The following ADGRL3 variants were observed in gnomAD, a reference collection of about 807,000 sequenced individuals.
ADGRL3 encodes the protein calcium-independent alpha-latrotoxin receptor 3.
Under a neutral mutation model 153.5 loss-of-function variants are expected in ADGRL3, and 62 were observed. The observed-to-expected ratio is 0.40, with a 90% CI of 0.33 to 0.50. The LOEUF is 0.50. Among genes scored for constraint, ADGRL3 ranks in the 20% least tolerant of loss-of-function variants. The probability of loss-of-function intolerance (pLI) is 0.47; values close to 1 mark genes in which losing one functional copy is unlikely to be tolerated. For synonymous variants in ADGRL3, 710 were observed against 672.5 expected, an observed-to-expected ratio of 1.06 and a Z score of -0.86; for missense variants, 1,641 against 1,859.4, an observed-to-expected ratio of 0.88 and a Z score of 2.16.
chr4:62,063,477 T>C, intron 25 of ADGRL3: 2 of 626,770 alleles, frequency 3.2e-6, no homozygotes, highest in Non-Finnish European at 5.7e-6. Flanking sequence ...TTTTTTTTTT[T>C]CTCTGTCTTT....
chr4:62,046,799 A>C (rs1184601130), intron 25 of ADGRL3, among the ~76,000 whole-genome samples: 5 of 151,942 alleles, frequency 3.3e-5, no homozygotes, highest in South Asian at 2.1e-4. Context: ...GTCCCCCTCA[A>C]GTCAGAAACT....
intron 8 of ADGRL3, among the ~76,000 whole-genome samples, chr4:61,759,283 A>G (rs1471866611): frequency 1.3e-5 from 2 of 151,982 alleles, no homozygotes; most frequent in Admixed American, 6.6e-5. Flanking sequence ...ACTTGGTTCC[A>G]TTCTCCCCAT....
chr4:61,643,225 T>C (rs377252291), intron 5 of ADGRL3, among the ~76,000 whole-genome samples: 13 of 151,160 alleles, frequency 8.6e-5, no homozygotes, highest in African/African-American at 1.7e-4. Flanking sequence ...ACAATCATGT[T>C]GTCTGCAAAC....
In ADGRL3 at chr4:61,408,213, G is replaced by A. The variant is rs562707643; in HGVS notation, c.-174+25024G>A. ...TTTTTTTTAAAGATCACATAAAATT[G>A]ACTATTTAAACTCTTCTGTATGTTT... is the stretch of plus-strand genomic sequence containing the variant. On this transcript the variant is annotated intron_variant, in intron 2 of 26. Coordinates refer to ENST00000683033, the MANE Select transcript of ADGRL3 (RefSeq NM_001387552.1). Among the ~76,000 whole-genome samples the A allele has an allele frequency of 3.3e-5, 5 of 152,082 alleles. No individual in the cohort carries two copies. In the East Asian group the frequency reaches 9.7e-4, roughly 29 times the overall value.
chr4:61,624,380 A>G (rs186621353), intron 5 of ADGRL3, among the ~76,000 whole-genome samples: 1 of 152,156 alleles, frequency 6.6e-6, no homozygotes. Context: ...AGGCCATGAG[A>G]TGTATTCTGG....
At chr4:61,939,764 G>A (rs867738456) in intron 15 of ADGRL3, among the ~76,000 whole-genome samples, 30 of 151,620 alleles carry the variant, frequency 2.0e-4, no homozygotes, top group Admixed American at 1.1e-3. Flanking sequence ...CACCACACCC[G>A]GCCAAAATTT....
intron 2 of ADGRL3, among the ~76,000 whole-genome samples, chr4:61,417,800 G>T (rs2097160839): frequency 6.6e-6 from 1 of 152,046 alleles, no homozygotes. Context: ...TATGGAGTTT[G>T]GTGAGGGAGA....
intron 1 of ADGRL3, among the ~76,000 whole-genome samples, chr4:61,365,309 CAT>C (rs1235257089): frequency 6.6e-6 from 1 of 151,756 alleles, no homozygotes; most frequent in African/African-American, 2.4e-5. Flanking sequence ...TGTTCTAAAA[CAT>C]ATAATGTAAT....
rs115839217 is a variant in ADGRL3 at position 61,763,584 on chromosome 4, C to T, written c.1399+30030C>T. ...TTTATAGGTATATGCTATTTCCTCA[C>T]GGTATAGTTTCTCATGTGTATTAAC... On this transcript the variant is annotated intron_variant, in intron 8 of 26. Coordinates refer to ENST00000683033, the MANE Select transcript of ADGRL3 (RefSeq NM_001387552.1). Among the ~76,000 whole-genome samples, 1,194 of 152,160 alleles carry T rather than the reference C, an allele frequency of 7.8e-3. 22 individuals are homozygous for T. Among genetic ancestry groups the T allele is most frequent in the South Asian group, 0.046 (223 of 4,816 alleles).
chr4:61,847,956 A>T (rs1349233407), intron 9 of ADGRL3, among the ~76,000 whole-genome samples: 15 of 17,248 alleles, frequency 8.7e-4, no homozygotes, highest in African/African-American at 1.8e-3. Flanking sequence ...ATATAATATA[A>T]AATATATTAT....
intron 1 of ADGRL3, among the ~76,000 whole-genome samples, chr4:61,377,681 C>A (rs1214527039): frequency 1.3e-5 from 2 of 151,608 alleles, no homozygotes; most frequent in Admixed American, 6.6e-5. Context: ...AAGTTTACAC[C>A]TTCTTTCCTT....
In ADGRL3 at chr4:62,071,234, T is replaced by C. The variant is rs1745569420; in HGVS notation, c.*326T>C. On this transcript the variant is annotated 3_prime_UTR_variant, in exon 27 of 27. Coordinates refer to ENST00000683033, the MANE Select transcript of ADGRL3 (RefSeq NM_001387552.1). ...ATTATGTTGTGTATGTTTTAACATC[T>C]CTGATGCTGTGTTACTAAAATTACA... 4.7e-6 allele frequency: 1 copy of C among 213,838 alleles called. No homozygotes were observed. Among genetic ancestry groups the C allele is most frequent in the Non-Finnish European group, 9.4e-6 (1 of 106,070 alleles). The allele number at this position is 213,838 out of a possible 1,614,324, so 13.2% of individuals were successfully genotyped here. A position where few individuals can be genotyped will look rare whatever the true frequency, so the allele number is the denominator to read the frequency against.
At chr4:61,497,055 A>G in intron 2 of ADGRL3, 66 bp from the exon 3 acceptor site, 1 of 489,574 alleles carries the variant, frequency 2.0e-6, no homozygotes, top group Non-Finnish European at 3.5e-6. Context: ...TATGTATTGT[A>G]TAAATAATGT....
intron 17 of ADGRL3, among the ~76,000 whole-genome samples, chr4:61,951,196 T>C (rs1447634040): frequency 6.6e-6 from 1 of 152,212 alleles, no homozygotes; most frequent in Non-Finnish European, 1.5e-5. Context: ...CAAGTAATAC[T>C]TAAAGCTGAG....
chr4:61,925,652 G>T (rs2098791267), intron 13 of ADGRL3, among the ~76,000 whole-genome samples: 1 of 151,978 alleles, frequency 6.6e-6, no homozygotes, highest in African/African-American at 2.4e-5. Context: ...GAGTGGGGTA[G>T]GTGTCACACA....
chr4:61,605,168 T>C (rs1220481809), intron 5 of ADGRL3, among the ~76,000 whole-genome samples: 1 of 131,172 alleles, frequency 7.6e-6, no homozygotes, highest in Non-Finnish European at 1.7e-5. Context: ...TCTACAAAAA[T>C]TAGAAAATTT....
intron 9 of ADGRL3, 143 bp from the exon 10 acceptor site, chr4:61,892,513 T>G: frequency 3.3e-5 from 21 of 630,030 alleles, no homozygotes; most frequent in Non-Finnish European, 5.8e-5. Context: ...TTGCCATGTT[T>G]AAAATGAAAA....
At chr4:61,837,527 G>C (rs1351652865) in intron 9 of ADGRL3, among the ~76,000 whole-genome samples, 1 of 152,034 alleles carries the variant, frequency 6.6e-6, no homozygotes, top group Non-Finnish European at 1.5e-5. Context: ...AGGTATGATT[G>C]GTCTATTTGT....
At chr4:61,209,302 G>C (rs1186554151) in intron 1 of ADGRL3, among the ~76,000 whole-genome samples, 1 of 152,074 alleles carries the variant, frequency 6.6e-6, no homozygotes, top group East Asian at 1.9e-4. Context: ...AAATGTGCAA[G>C]TTTCTGGCTC....
Sources: allele counts gnomAD v4.1 joint callset (sites outside exome capture counted in the v4.1 genomes callset), GRCh38; gene constraint gnomAD v4.1.1; transcripts MANE v1.5; gene names NCBI Gene and HGNC (gene_info 2026-07-23, HGNC 2026-07-21).